Variants in PDS5A observed in about 807,000 individuals in gnomAD.
PDS5A encodes PDS5 cohesin associated factor A, also known as sister chromatid cohesion protein PDS5 homolog A.
In PDS5A, 42 loss-of-function variants were observed where a neutral mutation model predicts 167.1. The observed-to-expected ratio is 0.25, with a 90% CI of 0.20 to 0.33. The LOEUF (loss-of-function observed/expected upper bound fraction) is 0.33. Ranked by LOEUF, PDS5A falls within the 10% of genes least tolerant of loss-of-function variation. The probability of loss-of-function intolerance (pLI) is 1.00; values close to 1 mark genes in which losing one functional copy is unlikely to be tolerated. For missense variants in PDS5A, 1,033 were observed against 1,605.9 expected (o/e 0.64, Z 6.10); for synonymous variants, 553 against 554.6 (o/e 1.00, Z 0.04).
chr4:39,827,033 G>C (rs530940673), intron 32 of PDS5A, among the ~76,000 whole-genome samples: 8 of 150,628 alleles, frequency 5.3e-5, no homozygotes, highest in African/African-American at 2.0e-4. Context: ...GCAGAGTCTT[G>C]CTCTGTTGCC....
intron 7 of PDS5A, among the ~76,000 whole-genome samples, chr4:39,919,700 A>T (rs1251974747): frequency 6.6e-6 from 1 of 152,168 alleles, no homozygotes; most frequent in Non-Finnish European, 1.5e-5. Flanking sequence ...ATATGAGCAA[A>T]TGAACAATGG....
chr4:39,935,994 A>G (rs1375910736), intron 2 of PDS5A, among the ~76,000 whole-genome samples: 1 of 152,250 alleles, frequency 6.6e-6, no homozygotes, highest in East Asian at 1.9e-4. Flanking sequence ...GGATAAATCC[A>G]TTGTGGTATA....
chr4:39,901,249 C>CTTTTTTTCT (rs1230345063), intron 13 of PDS5A, among the ~76,000 whole-genome samples: 2 of 144,604 alleles, frequency 1.4e-5, no homozygotes, highest in Non-Finnish European at 3.0e-5. Context: ...AAATGACAGT[C>CTTTTTTTCT]TTTTTTTCTT....
intron 2 of PDS5A, among the ~76,000 whole-genome samples, chr4:39,929,365 G>A (rs1353264487): frequency 1.3e-5 from 2 of 151,590 alleles, no homozygotes; most frequent in Non-Finnish European, 2.9e-5. Context: ...GGCGGGACTA[G>A]CCTCCCAGTC....
At chr4:39,871,014 C>T (rs1719982425) in intron 21 of PDS5A, among the ~76,000 whole-genome samples, 1 of 152,094 alleles carries the variant, frequency 6.6e-6, no homozygotes, top group African/African-American at 2.4e-5. Context: ...CTGATACATA[C>T]TACAACATGG....
At chr4:39,903,979 G>A (rs1357182606) in intron 12 of PDS5A, 61 bp downstream of exon 12, 1 of 893,940 alleles carries the variant, frequency 1.1e-6, no homozygotes, top group Non-Finnish European at 1.6e-6. Flanking sequence ...ATATTAAATA[G>A]ACATTTTTTA....
intron 21 of PDS5A, among the ~76,000 whole-genome samples, chr4:39,872,510 C>T (rs1343484822): frequency 6.6e-6 from 1 of 151,916 alleles, no homozygotes; most frequent in African/African-American, 2.4e-5. Flanking sequence ...ACTAAAAACA[C>T]AAAAATTAGC....
chr4:39,960,250 C>T (rs955194262), intron 2 of PDS5A, among the ~76,000 whole-genome samples: 17 of 152,100 alleles, frequency 1.1e-4, no homozygotes, highest in African/African-American at 9.7e-5. Flanking sequence ...GCCTGGGTGA[C>T]GGAGTGAGAC....
intron 29 of PDS5A, 43 bp from the exon 30 acceptor site, chr4:39,844,844 A>G (rs750021756): frequency 1.7e-5 from 26 of 1,555,670 alleles, no homozygotes; most frequent in Non-Finnish European, 2.2e-5. Context: ...ACACACGTTT[A>G]TACCTTACCA....
At chr4:39,946,567 C>T (rs1727790884) in intron 2 of PDS5A, among the ~76,000 whole-genome samples, 1 of 152,000 alleles carries the variant, frequency 6.6e-6, no homozygotes, top group Admixed American at 6.6e-5. Flanking sequence ...GAAAAAAAGA[C>T]CAAATTACTA....
chr4:39,859,692 C>A (rs1476967066), intron 26 of PDS5A, among the ~76,000 whole-genome samples: 1 of 152,136 alleles, frequency 6.6e-6, no homozygotes, highest in African/African-American at 2.4e-5. Flanking sequence ...ACCACTCGCA[C>A]ACAATTTCCC....
chr4:39,968,586 CCA>C (rs1196800517), intron 2 of PDS5A, among the ~76,000 whole-genome samples: 1 of 151,734 alleles, frequency 6.6e-6, no homozygotes, highest in Non-Finnish European at 1.5e-5. Context: ...GCATGCGCCA[CCA>C]CACCCGGCTA....
intron 8 of PDS5A, among the ~76,000 whole-genome samples, chr4:39,916,667 A>G (rs1355661278): frequency 6.6e-6 from 1 of 152,070 alleles, no homozygotes; most frequent in Non-Finnish European, 1.5e-5. Flanking sequence ...AGAGATTGAG[A>G]CCAGCCTGGC....
chr4:39,942,032 A>T (rs1362737769), intron 2 of PDS5A, among the ~76,000 whole-genome samples: 1 of 152,090 alleles, frequency 6.6e-6, no homozygotes, highest in East Asian at 1.9e-4. Context: ...ATCATACCCA[A>T]CTTGAGTCTC....
At chr4:39,850,656 G>A (rs1718048817) in intron 26 of PDS5A, among the ~76,000 whole-genome samples, 2 of 152,192 alleles carry the variant, frequency 1.3e-5, no homozygotes, top group Admixed American at 1.3e-4. Context: ...CATGTATTAT[G>A]AGGCTGATGT....
intron 2 of PDS5A, chr4:39,933,012 A>AG (rs1726227259): frequency 6.6e-6 from 1 of 152,288 alleles, no homozygotes. Flanking sequence ...AATCAAAAAT[A>AG]CAAAAATTAG....
chr4:39,965,175 C>T (rs1729863391), intron 2 of PDS5A, among the ~76,000 whole-genome samples: 1 of 152,110 alleles, frequency 6.6e-6, no homozygotes, highest in Admixed American at 6.6e-5. Flanking sequence ...ATTTCTGGAC[C>T]AATTTCTGGC....
In PDS5A at chr4:39,831,440, GCTT is replaced by G. The variant is rs374811487; in HGVS notation, c.4011-5955_4011-5953del. ...GATTCAATGGGTTAACAAATAAAGA[GCTT>G]ATTATTGAGCTTGACTTATAATAAG... On this transcript the variant is annotated intron_variant, in intron 32 of 32. Coordinates refer to ENST00000303538, the MANE Select transcript of PDS5A (RefSeq NM_001100399.2). 4.9e-4 allele frequency among the ~76,000 whole-genome samples: 75 copies of G among 151,986 alleles called. No individual in the cohort carries two copies. In the East Asian group the frequency reaches 0.013, roughly 27 times the overall value.
At chr4:39,841,908 C>G in intron 31 of PDS5A, 40 bp downstream of exon 31, 1 of 1,079,064 alleles carries the variant, frequency 9.3e-7, no homozygotes, top group Non-Finnish European at 1.4e-6. Flanking sequence ...CTGTAATAAT[C>G]TCCATGGAAA....
Sources: gnomAD v4.1 joint callset for allele counts (sites outside exome capture counted in the v4.1 genomes callset) on GRCh38, gnomAD v4.1.1 for gene constraint, MANE v1.5 for transcripts, NCBI Gene and HGNC (gene_info 2026-07-23, HGNC 2026-07-21) for gene names.